The following DGKK variants were observed in gnomAD, a reference collection of about 807,000 sequenced individuals.
DGKK encodes 142 kDa diacylglycerol kinase.
DGKK carries 35 observed loss-of-function variants against 92.2 expected under a neutral mutation model. That is an observed-to-expected ratio of 0.38 (90% CI 0.29 to 0.50). DGKK has a LOEUF of 0.50. Among genes scored for constraint, DGKK ranks in the 20% least tolerant of loss-of-function variants. DGKK has a pLI of 0.92. For synonymous variants in DGKK, 368 were observed against 360.6 expected (o/e 1.02, Z -0.23); for missense variants, 910 against 992.2 (o/e 0.92, Z 1.11).
At chrX:50,401,215 C>T (rs1924996651) in intron 7 of DGKK, 76 bp from the exon 8 acceptor site, 2 of 886,777 alleles carry the variant, frequency 2.3e-6, no homozygotes, top group Admixed American at 5.3e-5. Flanking sequence ...TCTTGAGTTC[C>T]AATACCAAGA....
In DGKK at chrX:50,386,559, C is replaced by A. The variant is rs1924548220; in HGVS notation, c.2146G>T (p.Val716Phe). Residue 716 changes from valine to phenylalanine, a missense_variant, in exon 15 of 28, where the codon GTC (valine) becomes TTC (phenylalanine). Val to Phe is a conservative substitution (Grantham distance 50). Transcript: ENST00000611977. ...KSDLMYDRLS[V>F]LIDVLAEEAA... ...TCCTCAGCCAGGACATCGATCAGGACACTGAGCCTATCATACATTAAGTCA... is the reference window on the plus strand; with the variant it reads ...TCCTCAGCCAGGACATCGATCAGGAAACTGAGCCTATCATACATTAAGTCA... The A allele has an allele frequency of 8.3e-7, 1 of 1,208,329 alleles. No individual in the cohort carries two copies. The highest frequency in any genetic ancestry group is 1.1e-6 in the Non-Finnish European group (1 of 894,431).
chrX:50,424,307 A>G lies in DGKK; in HGVS notation c.697T>C (p.Trp233Arg). 4.1e-6 allele frequency: 5 copies of G among 1,211,167 alleles called. No individual in the cohort carries two copies. The highest frequency in any genetic ancestry group is 5.6e-6 in the Non-Finnish European group (5 of 895,043). Residue 233 changes from tryptophan (W) to arginine (R), a missense_variant, in exon 2 of 28, where the codon TGG (tryptophan) becomes CGG (arginine). Transcript: ENST00000611977. ...MLKNCNSFKR[W>R]KLRYFLVQGQ... ...TGAACCAGAAAATATCTAAGCTTCC[A>G]TCTCTTGAAAGAGTTACAGTTCTTC...
chrX:50,424,103 A>C, intron 2 of DGKK, 145 bp downstream of exon 2: 2 of 434,222 alleles, frequency 4.6e-6, no homozygotes, highest in East Asian at 7.8e-5. Flanking sequence ...CATTTGACCC[A>C]AAAGGGCAAG....
intron 1 of DGKK, among the ~76,000 whole-genome samples, chrX:50,435,662 A>AAATTCACT (rs1331390756): frequency 9.0e-6 from 1 of 111,236 alleles, no homozygotes; most frequent in Non-Finnish European, 1.9e-5. Context: ...AGGGAAGATG[A>AAATTCACT]AATTCACTAA....
intron 1 of DGKK, among the ~76,000 whole-genome samples, chrX:50,440,963 G>A (rs1485734102): frequency 9.0e-6 from 1 of 111,403 alleles, no homozygotes; most frequent in Non-Finnish European, 1.9e-5. Flanking sequence ...TAGCTATAAG[G>A]GAACAACCCA....
chrX:50,369,654 C>G (rs782584444), intron 27 of DGKK, among the ~76,000 whole-genome samples: 2 of 109,732 alleles, frequency 1.8e-5, no homozygotes, highest in African/African-American at 3.3e-5. Flanking sequence ...CTCAGCCTCC[C>G]AGGCTCAAGC....
rs143663227 is a variant in DGKK at position 50,432,080 on chromosome X, G to T, written c.646-7722C>A. Reference sequence around the variant, plus strand: ...GCAGCAGCAGGATGAGGAATAGGATGACCAACTGTCCTGGTTTTCCCAGGA... The same window carrying T: ...GCAGCAGCAGGATGAGGAATAGGATTACCAACTGTCCTGGTTTTCCCAGGA... On this transcript the variant is annotated intron_variant, in intron 1 of 27. Transcript: ENST00000611977. 1.2e-4 allele frequency among the ~76,000 whole-genome samples: 13 copies of T among 111,746 alleles called. No individual in the cohort carries two copies. The East Asian group carries it at 3.7e-3, about 32-fold the overall frequency.
At position 50,384,760 on chromosome X, in the gene DGKK, T is replaced by C. The variant is rs782240718; in HGVS notation, c.2412A>G (p.Glu804=). The change falls in exon 16 of 28, where the codon GAA becomes GAG. Residue 804 remains glutamate (E), a synonymous_variant. Transcript: ENST00000611977. ...VKNFSSTFFL[E]DDPEDINQTS... The stretch of plus-strand genomic sequence containing the variant: ...TCTGGTTAATATCTTCTGGGTCATC[T>C]TCCAGGAAGAAAGTTGAACTAAAGT... The C allele has an allele frequency of 7.4e-5, 89 of 1,209,300 alleles. No homozygotes were observed. Among genetic ancestry groups the C allele is most frequent in the South Asian group, 6.0e-4 (34 of 56,669 alleles).
chrX:50,407,472 A>G (rs1407851601), intron 4 of DGKK, among the ~76,000 whole-genome samples: 1 of 110,640 alleles, frequency 9.0e-6, no homozygotes, highest in Admixed American at 9.6e-5. Flanking sequence ...CAACGTGTGC[A>G]TGCAGAGAGA....
intron 4 of DGKK, among the ~76,000 whole-genome samples, chrX:50,413,764 T>C (rs1374813884): frequency 9.0e-6 from 1 of 111,565 alleles, no homozygotes; most frequent in Non-Finnish European, 1.9e-5. Flanking sequence ...GGTAGGAATG[T>C]AAATTAATAT....
intron 1 of DGKK, among the ~76,000 whole-genome samples, chrX:50,466,017 C>CTTTTTTTTTTTTTTTTTTTT (rs72090197): frequency 4.7e-5 from 2 of 42,793 alleles, no homozygotes; most frequent in Admixed American, 4.1e-4. Context: ...TTTCTTTTTT[C>CTTTTTTTTTTTTTTTTTTTT]TTTTTTTTTT....
chrX:50,406,833 T>C (rs1456852776), intron 4 of DGKK, among the ~76,000 whole-genome samples: 1 of 111,814 alleles, frequency 8.9e-6, no homozygotes, highest in Non-Finnish European at 1.9e-5. Context: ...TATTTTATTA[T>C]GGCAGCCCTA....
chrX:50,419,594 G>A (rs1557228904), intron 4 of DGKK, among the ~76,000 whole-genome samples: 4 of 111,926 alleles, frequency 3.6e-5, no homozygotes, highest in African/African-American at 1.3e-4. Flanking sequence ...CCAAATTCTG[G>A]TTCCAAGATT....
rs1923949131 is a variant in DGKK, at chrX:50,365,432, T to A, written c.*3508A>T. The A allele has an allele frequency of 9.0e-6, 1 of 111,567 alleles. No homozygotes were observed. The highest frequency in any genetic ancestry group is 9.5e-5 in the Admixed American group (1 of 10,498). 9.2% of individuals were successfully genotyped at this position (111,567 alleles called of 1,213,427 possible). A position where few individuals can be genotyped will look rare whatever the true frequency, so the allele number is the denominator to read the frequency against. ...GATTATGTTTATCCATTTATTAAAA[T>A]ATTTAAAGAAGCAATACTTTATTAA... On this transcript the variant is annotated 3_prime_UTR_variant, in exon 28 of 28. Transcript: ENST00000611977.
chrX:50,402,793 C>A (rs12558677), intron 7 of DGKK, among the ~76,000 whole-genome samples: 36,464 of 110,499 alleles, frequency 0.33, 4,492 homozygotes, highest in Admixed American at 0.44. Flanking sequence ...GCCCATACTG[C>A]CATTAGAGAG....
At chrX:50,454,692 T>A (rs1926569168) in intron 1 of DGKK, among the ~76,000 whole-genome samples, 2 of 111,333 alleles carry the variant, frequency 1.8e-5, no homozygotes, top group Admixed American at 9.6e-5. Context: ...TCTCCACAGA[T>A]CTAAATTCAG....
chrX:50,454,381 G>A (rs1288555610), intron 1 of DGKK, among the ~76,000 whole-genome samples: 1 of 111,255 alleles, frequency 9.0e-6, no homozygotes, highest in Non-Finnish European at 1.9e-5. Context: ...ATTGCCTGAG[G>A]TAAGCAGGCC....
chrX:50,400,935 T>G lies in DGKK; in HGVS notation c.1411+102A>C, dbSNP rs1557226539. ...CACAGTCCTACTTCCCCAAAATGTT[T>G]GACTGGTTGAGGAGAATAATTTAAT... On this transcript the variant is annotated intron_variant, in intron 8 of 27. Coordinates refer to ENST00000611977, the MANE Select transcript of DGKK (RefSeq NM_001013742.4). The G allele has an allele frequency of 6.5e-6, 5 of 765,256 alleles. No homozygotes were observed. The East Asian group carries it at 1.7e-4, about 27-fold the overall frequency. 63.1% of individuals were successfully genotyped at this position (765,256 alleles called of 1,213,427 possible).
At chrX:50,451,080 G>T (rs1183560801) in intron 1 of DGKK, among the ~76,000 whole-genome samples, 1 of 111,336 alleles carries the variant, frequency 9.0e-6, no homozygotes, top group East Asian at 2.8e-4. Context: ...AATCAAGAGG[G>T]GTGGCAGGGA....
Sources: gnomAD v4.1 joint callset for allele counts (sites outside exome capture counted in the v4.1 genomes callset) on GRCh38, gnomAD v4.1.1 for gene constraint, MANE v1.5 for transcripts, NCBI Gene and HGNC (gene_info 2026-07-23, HGNC 2026-07-21) for gene names.